GRIK2: variants seen among roughly 807,000 people sequenced by gnomAD.
GRIK2 encodes glutamate receptor ionotropic, kainate 2.
GRIK2 carries 32 observed loss-of-function variants against 100.3 expected under a neutral mutation model. The ratio of observed to expected loss-of-function variants is 0.32; its 90% CI spans 0.24 to 0.43. The LOEUF is 0.43. GRIK2 is among the 20% of genes least tolerant of loss of function. GRIK2 has a pLI of 1.00. For synonymous variants in GRIK2, 417 were observed against 389.4 expected, an observed-to-expected ratio of 1.07 and a Z score of -0.83; for missense variants, 843 against 1,114.9, an observed-to-expected ratio of 0.76 and a Z score of 3.47.
rs148381940 is a variant in GRIK2 at position 101,703,750 on chromosome 6, G to T, written c.951+17397G>T. Among the ~76,000 whole-genome samples, 374 of 151,578 alleles carry T rather than the reference G, an allele frequency of 2.5e-3. 6 individuals carry two copies. Among genetic ancestry groups the T allele is most frequent in the African/African-American group, 8.9e-3 (367 of 41,424 alleles). ...AAATAATGTTGCAGGAAAGAGTGAAGATACTTGCAAAGCTGAAATCTAAGG... is the reference window on the plus strand; with the variant it reads ...AAATAATGTTGCAGGAAAGAGTGAATATACTTGCAAAGCTGAAATCTAAGG... On this transcript the variant is annotated intron_variant, in intron 7 of 16. Coordinates refer to ENST00000369134, the MANE Select transcript of GRIK2 (RefSeq NM_021956.5).
At chr6:101,762,088 C>CT (rs1464675297) in intron 7 of GRIK2, among the ~76,000 whole-genome samples, 7 of 128,470 alleles carry the variant, frequency 5.4e-5, no homozygotes, top group African/African-American at 2.3e-4. Flanking sequence ...CCTTCCTTTC[C>CT]TTCCTTCCTC....
In GRIK2 at chr6:102,069,810, C is replaced by T. The variant is rs1280546363; in HGVS notation, c.*1299C>T. The T allele has an allele frequency of 1.3e-5, 2 of 151,874 alleles. No individual in the cohort carries two copies. Among genetic ancestry groups the T allele is most frequent in the Non-Finnish European group, 2.9e-5 (2 of 67,950 alleles). The allele number at this position is 151,874 out of a possible 1,614,324, so 9.4% of individuals were successfully genotyped here. ...GTGCACCACCAACGTTTGGTGAAAA[C>T]TATTTTTATCAAGAAAAAAGGAATC... On this transcript the variant is annotated 3_prime_UTR_variant, in exon 17 of 17. Transcript: ENST00000369134.
intron 7 of GRIK2, among the ~76,000 whole-genome samples, chr6:101,755,161 GTT>G (rs1157640683): frequency 0.037 from 3,757 of 102,676 alleles, 54 homozygotes; most frequent in African/African-American, 0.14. Flanking sequence ...TTTCTTTTTG[GTT>G]TTTTTTTTTT....
chr6:101,833,761 A>T (rs955715064), intron 10 of GRIK2, among the ~76,000 whole-genome samples: 1 of 152,106 alleles, frequency 6.6e-6, no homozygotes, highest in African/African-American at 2.4e-5. Flanking sequence ...ATGGTTAAAA[A>T]ATATTCTCAT....
chr6:101,563,047 C>A (rs1269554512), intron 2 of GRIK2, among the ~76,000 whole-genome samples: 1 of 152,192 alleles, frequency 6.6e-6, no homozygotes, highest in Non-Finnish European at 1.5e-5. Context: ...AGGGCAGCTG[C>A]TCCTACCAGC....
Position 101,445,952 on chromosome 6 carries a change from T to C in GRIK2, c.115+46560T>C, listed in dbSNP as rs990735818. Among the ~76,000 whole-genome samples the C allele has an allele frequency of 9.9e-5, 15 of 152,150 alleles. No individual in the cohort carries two copies. In the East Asian group the frequency reaches 1.6e-3, roughly 16 times the overall value. On this transcript the variant is annotated intron_variant, in intron 2 of 16. Transcript: ENST00000369134. Reference sequence around the variant, plus strand: ...TTTTACATCTATAAGGCCCTAATATTATAATCATTCCATAGGCACATCTCA... The same window carrying C: ...TTTTACATCTATAAGGCCCTAATATCATAATCATTCCATAGGCACATCTCA...
At chr6:101,753,515 G>A (rs1037076398) in intron 7 of GRIK2, among the ~76,000 whole-genome samples, 3 of 151,926 alleles carry the variant, frequency 2.0e-5, no homozygotes, top group Admixed American at 1.3e-4. Context: ...AACTAGATAC[G>A]TAATTATGAA....
At chr6:101,486,330 G>T (rs1772824490) in intron 2 of GRIK2, among the ~76,000 whole-genome samples, 1 of 132,000 alleles carries the variant, frequency 7.6e-6, no homozygotes, top group Admixed American at 9.1e-5. Context: ...ATTATTGTCA[G>T]ATCAGCATGT....
chr6:101,910,096 T>A (rs139113840), intron 12 of GRIK2, among the ~76,000 whole-genome samples: 1 of 151,192 alleles, frequency 6.6e-6, no homozygotes, highest in East Asian at 1.9e-4. Flanking sequence ...ATCACTTAAA[T>A]TATTTTAAAT....
chr6:101,975,154 C>T (rs973634102), intron 14 of GRIK2, among the ~76,000 whole-genome samples: 2 of 151,684 alleles, frequency 1.3e-5, no homozygotes, highest in African/African-American at 2.4e-5. Flanking sequence ...AGAGAAAAAT[C>T]GTAGTTTCAG....
intron 7 of GRIK2, among the ~76,000 whole-genome samples, chr6:101,755,166 T>G (rs1777054388): frequency 7.2e-6 from 1 of 139,060 alleles, no homozygotes; most frequent in East Asian, 2.1e-4. Flanking sequence ...TTTTGGTTTT[T>G]TTTTTTTTTT....
At chr6:101,653,061 T>C (rs1781880155) in intron 4 of GRIK2, among the ~76,000 whole-genome samples, 2 of 152,136 alleles carry the variant, frequency 1.3e-5, no homozygotes, top group South Asian at 4.1e-4. Context: ...GTTTTGCTAA[T>C]GGAAAATGTC....
intron 14 of GRIK2, among the ~76,000 whole-genome samples, chr6:101,970,280 G>A (rs1267061086): frequency 6.6e-6 from 1 of 151,828 alleles, no homozygotes; most frequent in African/African-American, 2.4e-5. Context: ...TTAATTTAGG[G>A]CAAGCAAGCC....
At chr6:101,558,054 C>T (rs1441395244) in intron 2 of GRIK2, among the ~76,000 whole-genome samples, 1 of 152,158 alleles carries the variant, frequency 6.6e-6, no homozygotes, top group African/African-American at 2.4e-5. Context: ...CCACCCACTT[C>T]TTCCTGAGTC....
At chr6:101,633,196 G>C (rs1036910107) in intron 4 of GRIK2, among the ~76,000 whole-genome samples, 1 of 152,078 alleles carries the variant, frequency 6.6e-6, no homozygotes, top group Non-Finnish European at 1.5e-5. Context: ...CAATATCAGT[G>C]ATGTTTGTGT....
At chr6:101,926,447 A>T (rs1368353109) in intron 13 of GRIK2, among the ~76,000 whole-genome samples, 1 of 152,250 alleles carries the variant, frequency 6.6e-6, no homozygotes, top group African/African-American at 2.4e-5. Flanking sequence ...TAAAAGTTTC[A>T]TATCTCTTTG....
At chr6:101,685,383 G>A (rs1033618170) in intron 6 of GRIK2, among the ~76,000 whole-genome samples, 10 of 152,110 alleles carry the variant, frequency 6.6e-5, no homozygotes, top group African/African-American at 2.4e-4. Flanking sequence ...AGAACCAATG[G>A]CATTAATCTT....
At chr6:101,775,000 A>C (rs1778654027) in intron 7 of GRIK2, among the ~76,000 whole-genome samples, 1 of 152,152 alleles carries the variant, frequency 6.6e-6, no homozygotes, top group Non-Finnish European at 1.5e-5. Flanking sequence ...TTCCTTATGA[A>C]GCTTTAAAAT....
chr6:101,739,382 G>A (rs1775881747), intron 7 of GRIK2, among the ~76,000 whole-genome samples: 1 of 152,096 alleles, frequency 6.6e-6, no homozygotes, highest in African/African-American at 2.4e-5. Context: ...ATTTTTGTGG[G>A]TTTCAGAATT....
Sources: gnomAD v4.1 joint callset for allele counts (sites outside exome capture counted in the v4.1 genomes callset) on GRCh38, gnomAD v4.1.1 for gene constraint, MANE v1.5 for transcripts, NCBI Gene and HGNC (gene_info 2026-07-23, HGNC 2026-07-21) for gene names.